Variants in CTIF observed in about 807,000 individuals in gnomAD.
CTIF encodes the protein cap binding complex dependent translation initiation factor.
In CTIF, 21 loss-of-function variants were observed where a neutral mutation model predicts 66.0. The observed-to-expected ratio is 0.32, with a 90% CI of 0.23 to 0.46. The LOEUF is 0.46. CTIF is among the 20% of genes least tolerant of loss of function. The pLI, the probability that CTIF is intolerant of heterozygous loss-of-function variation, is 1.00. For synonymous variants in CTIF, 345 were observed against 326.4 expected (o/e 1.06, Z -0.62); for missense variants, 739 against 812.7 (o/e 0.91, Z 1.10).
At chr18:48,830,840 G>A (rs111520100) in intron 10 of CTIF, among the ~76,000 whole-genome samples, 34 of 150,858 alleles carry the variant, frequency 2.3e-4, no homozygotes, top group Middle Eastern at 3.4e-3. Flanking sequence ...TTTGTTAATC[G>A]CTTATTTTCT....
chr18:48,741,344 C>A (rs2092552443), intron 7 of CTIF, among the ~76,000 whole-genome samples: 1 of 148,604 alleles, frequency 6.7e-6, no homozygotes, highest in Non-Finnish European at 1.5e-5. Context: ...TACCCAGGTG[C>A]TACCCTACCC....
chr18:48,631,444 C>T (rs2090711347), intron 2 of CTIF, among the ~76,000 whole-genome samples: 1 of 152,192 alleles, frequency 6.6e-6, no homozygotes, highest in South Asian at 2.1e-4. Context: ...CCAGCTTGGG[C>T]CAGAGTGAGA....
At chr18:48,752,129 G>A (rs963802851) in intron 7 of CTIF, among the ~76,000 whole-genome samples, 3 of 152,142 alleles carry the variant, frequency 2.0e-5, no homozygotes, top group Admixed American at 1.3e-4. Context: ...CTTCTTACAT[G>A]AACTTTTGCC....
At position 48,782,932 on chromosome 18, in the gene CTIF, A is replaced by G. The variant is rs949726390; in HGVS notation, c.1371+21243A>G. ...ACCAGACTCAGAGAGCCCATGGGGC[A>G]GGAGTGGGAAGTGGGGAGCTTCGCC... On this transcript the variant is annotated intron_variant, in intron 9 of 11. Coordinates refer to ENST00000256413, the MANE Select transcript of CTIF (RefSeq NM_014772.3). Among the ~76,000 whole-genome samples, 5 of 152,226 alleles carry G rather than the reference A, an allele frequency of 3.3e-5. No homozygotes were observed. The East Asian group carries it at 5.8e-4, about 18-fold the overall frequency.
At chr18:48,661,284 C>T (rs148087115) in intron 3 of CTIF, among the ~76,000 whole-genome samples, 31 of 152,270 alleles carry the variant, frequency 2.0e-4, no homozygotes, top group African/African-American at 3.1e-4. Flanking sequence ...AGGGAAGACA[C>T]GTGTGGAGGA....
At chr18:48,800,345 A>T (rs926757158) in intron 9 of CTIF, among the ~76,000 whole-genome samples, 8 of 152,340 alleles carry the variant, frequency 5.3e-5, no homozygotes, top group East Asian at 3.9e-4. Context: ...GAGGAATAAG[A>T]TACCCAAGAG....
At chr18:48,757,071 C>T (rs1192774512) in intron 7 of CTIF, among the ~76,000 whole-genome samples, 2 of 152,120 alleles carry the variant, frequency 1.3e-5, no homozygotes, top group Non-Finnish European at 2.9e-5. Flanking sequence ...CAGATGGTCA[C>T]CTTCTTGCTG....
At chr18:48,604,972 G>A (rs748549770) in intron 1 of CTIF, among the ~76,000 whole-genome samples, 3 of 152,128 alleles carry the variant, frequency 2.0e-5, no homozygotes, top group Non-Finnish European at 2.9e-5. Context: ...CCTTCTAATG[G>A]CTGAGTAATA....
intron 7 of CTIF, 62 bp downstream of exon 7, chr18:48,711,757 C>A: frequency 7.0e-7 from 1 of 1,423,648 alleles, no homozygotes; most frequent in Non-Finnish European, 9.9e-7. Context: ...TCTGTAGCGA[C>A]GTCAGCTTTG....
Position 48,592,715 on chromosome 18 carries a change from CTG to C in CTIF, c.-28-26818_-28-26817del, listed in dbSNP as rs1193815529. On this transcript the variant is annotated intron_variant, in intron 1 of 11. Transcript: ENST00000256413. ...TTTTGTCATTGTTAACAGTTGGAGA[CTG>C]TGTGCAGGCCTCTGCCTGGCAGTGC... Among the ~76,000 whole-genome samples, 6 of 152,300 alleles carry C rather than the reference CTG, an allele frequency of 3.9e-5. No homozygotes were observed. The East Asian group carries it at 9.7e-4, about 25-fold the overall frequency.
chr18:48,779,394 A>G (rs763253239), intron 9 of CTIF, among the ~76,000 whole-genome samples: 1 of 152,208 alleles, frequency 6.6e-6, no homozygotes, highest in Non-Finnish European at 1.5e-5. Context: ...TCAGTGACAG[A>G]CAGAACTGGA....
intron 9 of CTIF, among the ~76,000 whole-genome samples, chr18:48,791,976 T>C (rs2067803201): frequency 6.6e-6 from 1 of 152,128 alleles, no homozygotes; most frequent in South Asian, 2.1e-4. Flanking sequence ...TGGGCTATGG[T>C]GGGATTCAGC....
At chr18:48,620,678 CT>C in intron 2 of CTIF, among the ~76,000 whole-genome samples, 1 of 152,320 alleles carries the variant, frequency 6.6e-6, no homozygotes, top group East Asian at 1.9e-4. Flanking sequence ...AGTCCCCTGT[CT>C]TATCTGGAGT....
At chr18:48,636,515 T>C in intron 2 of CTIF, 99 bp from the exon 3 acceptor site, 1 of 809,328 alleles carries the variant, frequency 1.2e-6, no homozygotes, top group Non-Finnish European at 1.8e-6. Context: ...TCCACAGTCA[T>C]GCTAATGGGG....
intron 7 of CTIF, among the ~76,000 whole-genome samples, chr18:48,721,074 C>T (rs1347212568): frequency 6.6e-6 from 1 of 152,196 alleles, no homozygotes; most frequent in African/African-American, 2.4e-5. Flanking sequence ...CAGTGGGCAT[C>T]CCCTAGTTCT....
chr18:48,581,267 C>G (rs2089651162), intron 1 of CTIF, among the ~76,000 whole-genome samples: 1 of 151,828 alleles, frequency 6.6e-6, no homozygotes, highest in African/African-American at 2.4e-5. Flanking sequence ...TGAGACGTAC[C>G]ACGTCCCAGC....
chr18:48,713,914 C>G (rs187944923), intron 7 of CTIF, among the ~76,000 whole-genome samples: 62 of 152,336 alleles, frequency 4.1e-4, no homozygotes, highest in Non-Finnish European at 8.8e-5. Context: ...GTGTGCTCGT[C>G]GGGGCGCCCC....
At chr18:48,752,636 C>T (rs1237373243) in intron 7 of CTIF, among the ~76,000 whole-genome samples, 2 of 152,296 alleles carry the variant, frequency 1.3e-5, no homozygotes, top group East Asian at 1.9e-4. Flanking sequence ...GGGACTGGCA[C>T]ATCTGGAAAC....
At chr18:48,774,303 C>A (rs1447430549) in intron 9 of CTIF, among the ~76,000 whole-genome samples, 1 of 152,162 alleles carries the variant, frequency 6.6e-6, no homozygotes, top group Non-Finnish European at 1.5e-5. Context: ...AGGGAGTCTG[C>A]GTCATGCTGG....
Sources: gnomAD v4.1 joint callset for allele counts (sites outside exome capture counted in the v4.1 genomes callset) on GRCh38, gnomAD v4.1.1 for gene constraint, MANE v1.5 for transcripts, NCBI Gene and HGNC (gene_info 2026-07-23, HGNC 2026-07-21) for gene names.